DACH1: variants seen among roughly 807,000 people sequenced by gnomAD.
DACH1 encodes dachshund homolog 1.
DACH1 carries 12 observed loss-of-function variants against 54.2 expected under a neutral mutation model. The ratio of observed to expected loss-of-function variants is 0.22; its 90% CI spans 0.14 to 0.36. The LOEUF is 0.36. Among genes scored for constraint, DACH1 ranks in the 10% least tolerant of loss-of-function variants. The pLI, the probability that DACH1 is intolerant of heterozygous loss-of-function variation, is 1.00. For synonymous variants in DACH1, 386 were observed against 366.2 expected (o/e 1.05, Z -0.62); for missense variants, 805 against 929.8 (o/e 0.87, Z 1.75).
At chr13:71,738,795 A>T (rs1318527431) in intron 1 of DACH1, among the ~76,000 whole-genome samples, 1 of 151,254 alleles carries the variant, frequency 6.6e-6, no homozygotes, top group East Asian at 1.9e-4. Context: ...AGAAAAAAAA[A>T]CAGAAAGGAA....
At chr13:71,441,249 A>C (rs572556727) in intron 10 of DACH1, among the ~76,000 whole-genome samples, 69 of 152,224 alleles carry the variant, frequency 4.5e-4, no homozygotes, top group African/African-American at 1.6e-3. Context: ...TCCAACAATT[A>C]AATATTAAAA....
chr13:71,597,431 C>A (rs985863102), intron 3 of DACH1, among the ~76,000 whole-genome samples: 22 of 152,270 alleles, frequency 1.4e-4, no homozygotes, highest in African/African-American at 5.3e-4. Context: ...TGTGTTTTTA[C>A]ACAGTAGTGT....
intron 1 of DACH1, among the ~76,000 whole-genome samples, chr13:71,755,602 G>A (rs1885110154): frequency 6.6e-6 from 1 of 152,156 alleles, no homozygotes; most frequent in Non-Finnish European, 1.5e-5. Context: ...GCAGAACCTA[G>A]TCTGAAAGGT....
At chr13:71,471,247 C>T (rs191671392) in intron 10 of DACH1, among the ~76,000 whole-genome samples, 7 of 151,862 alleles carry the variant, frequency 4.6e-5, no homozygotes, top group Admixed American at 1.3e-4. Flanking sequence ...TACATATTAA[C>T]GACAATATTG....
At chr13:71,453,105 G>A (rs748284713) in intron 10 of DACH1, among the ~76,000 whole-genome samples, 2 of 152,208 alleles carry the variant, frequency 1.3e-5, no homozygotes, top group Non-Finnish European at 2.9e-5. Context: ...GTACCAGCAA[G>A]TGAGAATGGG....
Position 71,563,934 on chromosome 13 carries a change from C to T in DACH1, c.1300-3979G>A, listed in dbSNP as rs1417261922. On this transcript the variant is annotated intron_variant, in intron 4 of 10. Coordinates refer to ENST00000613252, the MANE Select transcript of DACH1 (RefSeq NM_080759.6). ...TAAATTGAGACACAACATATTCAGT[C>T]ATTTTACTTAATGTATAATTTCAAT... 3.3e-5 allele frequency among the ~76,000 whole-genome samples: 5 copies of T among 151,926 alleles called. No individual in the cohort carries two copies. The East Asian group carries it at 5.8e-4, about 18-fold the overall frequency.
At position 71,599,305 on chromosome 13, in the gene DACH1, T is replaced by C. The variant is rs553069780; in HGVS notation, c.1127-26293A>G. Among the ~76,000 whole-genome samples, 5 of 152,242 alleles carry C rather than the reference T, an allele frequency of 3.3e-5. No individual in the cohort carries two copies. In the East Asian group the frequency reaches 7.7e-4, roughly 24 times the overall value. On this transcript the variant is annotated intron_variant, in intron 3 of 10. Coordinates refer to ENST00000613252, the MANE Select transcript of DACH1 (RefSeq NM_080759.6). ...AAAGGCAAGTTTTAGCTAAATCAAA[T>C]GAATTAGGAGTAAAATTTCATTAAA...
intron 3 of DACH1, among the ~76,000 whole-genome samples, chr13:71,592,825 A>G (rs1166309971): frequency 6.6e-6 from 1 of 152,214 alleles, no homozygotes; most frequent in Non-Finnish European, 1.5e-5. Context: ...AAGGTAAAGT[A>G]TTCATCTTCA....
intron 1 of DACH1, among the ~76,000 whole-genome samples, chr13:71,720,767 A>T (rs1883196392): frequency 6.6e-6 from 1 of 152,182 alleles, no homozygotes; most frequent in African/African-American, 2.4e-5. Flanking sequence ...ATGATACATG[A>T]TAGCAGACAG....
intron 1 of DACH1, among the ~76,000 whole-genome samples, chr13:71,709,380 TCA>T (rs1882604501): frequency 6.6e-6 from 1 of 152,082 alleles, no homozygotes; most frequent in Non-Finnish European, 1.5e-5. Context: ...AATAAGCATG[TCA>T]CAGTTTTAAA....
chr13:71,591,894 T>C (rs1441382130), intron 3 of DACH1, among the ~76,000 whole-genome samples: 1 of 152,134 alleles, frequency 6.6e-6, no homozygotes, highest in Non-Finnish European at 1.5e-5. Context: ...CACAAAGCCA[T>C]TGTATCACTG....
intron 2 of DACH1, among the ~76,000 whole-genome samples, chr13:71,658,163 C>A (rs2138644484): frequency 6.6e-6 from 1 of 152,200 alleles, no homozygotes; most frequent in East Asian, 1.9e-4. Context: ...GTGATTTCCC[C>A]TATCAAGGTA....
At chr13:71,721,861 C>T (rs1270503064) in intron 1 of DACH1, among the ~76,000 whole-genome samples, 4 of 152,024 alleles carry the variant, frequency 2.6e-5, no homozygotes, top group African/African-American at 4.8e-5. Context: ...CATTTTACTT[C>T]TTGAGTGGTA....
intron 1 of DACH1, among the ~76,000 whole-genome samples, chr13:71,778,678 CAT>C (rs1886178894): frequency 6.6e-6 from 1 of 151,996 alleles, no homozygotes; most frequent in Non-Finnish European, 1.5e-5. Flanking sequence ...ATGTAGAAAT[CAT>C]ATGTTTTAAG....
intron 1 of DACH1, among the ~76,000 whole-genome samples, chr13:71,722,158 T>C (rs1883257595): frequency 6.6e-6 from 1 of 152,160 alleles, no homozygotes; most frequent in Non-Finnish European, 1.5e-5. Context: ...AGGATGAAAG[T>C]GAGGAAACCA....
chr13:71,793,584 G>A (rs1566503936), intron 1 of DACH1, among the ~76,000 whole-genome samples: 1 of 152,198 alleles, frequency 6.6e-6, no homozygotes, highest in East Asian at 1.9e-4. Flanking sequence ...TGCCCAGGCT[G>A]GAGTGCAGTG....
intron 6 of DACH1, among the ~76,000 whole-genome samples, chr13:71,533,576 C>A (rs1260926056): frequency 6.6e-6 from 1 of 151,940 alleles, no homozygotes; most frequent in Non-Finnish European, 1.5e-5. Context: ...ATTTAAGGGT[C>A]TTTTCTTCAG....
At chr13:71,583,659 A>G (rs1182489368) in intron 3 of DACH1, among the ~76,000 whole-genome samples, 1 of 152,086 alleles carries the variant, frequency 6.6e-6, no homozygotes, top group Non-Finnish European at 1.5e-5. Context: ...CCTGGGCAAC[A>G]TGGGGAAACC....
intron 1 of DACH1, among the ~76,000 whole-genome samples, chr13:71,842,426 AAAT>A (rs1044377922): frequency 5.4e-5 from 8 of 146,928 alleles, no homozygotes; most frequent in African/African-American, 2.0e-4. Context: ...AAAAAAAAAA[AAAT>A]TAGCAAGGCA....
Sources: allele counts gnomAD v4.1 joint callset (sites outside exome capture counted in the v4.1 genomes callset), GRCh38; gene constraint gnomAD v4.1.1; transcripts MANE v1.5; gene names NCBI Gene and HGNC (gene_info 2026-07-23, HGNC 2026-07-21).